Variants in HEATR5A observed in about 807,000 individuals in gnomAD.
The protein encoded by HEATR5A is HEAT repeat-containing protein 5A.
A neutral mutation model predicts 218.8 loss-of-function variants in HEATR5A; 178 were observed. The ratio of observed to expected loss-of-function variants is 0.81; its 90% CI spans 0.72 to 0.92. The LOEUF is 0.92. HEATR5A is among the 40% of genes least tolerant of loss of function. The pLI, the probability that HEATR5A is intolerant of heterozygous loss-of-function variation, is 0.00. For synonymous variants in HEATR5A, 864 were observed against 871.6 expected, an observed-to-expected ratio of 0.99 and a Z score of 0.15; for missense variants, 2,420 against 2,418.9, an observed-to-expected ratio of 1.00 and a Z score of -0.01.
intron 25 of HEATR5A, among the ~76,000 whole-genome samples, chr14:31,319,924 T>C (rs1900035506): frequency 6.6e-6 from 1 of 152,040 alleles, no homozygotes; most frequent in Admixed American, 6.6e-5. Context: ...CGTGTGGCTG[T>C]AGTTACAGCT....
chr14:31,313,126 A>G lies in HEATR5A; in HGVS notation c.4283T>C (p.Leu1428Ser), dbSNP rs1566750376. 6.2e-7 allele frequency: 1 copy of G among 1,613,910 alleles called. No homozygotes were observed. Among genetic ancestry groups the G allele is most frequent in the Non-Finnish European group, 8.5e-7 (1 of 1,179,806 alleles). Residue 1428 changes from leucine (L) to serine (S), a missense_variant, in exon 28 of 36, where the codon TTA becomes TCA. Leu to Ser is a moderately radical substitution (Grantham distance 145). Transcript: ENST00000543095. Reference protein sequence around the residue: ...HRQPLKTTTCLEDGIRNGSCS... With the variant: ...HRQPLKTTTCSEDGIRNGSCS... ...TGATCCATTTCTGATACCGTCTTCT[A>G]AACAGGTGGTAGTCTTCAAAGGTTG...
intron 33 of HEATR5A, among the ~76,000 whole-genome samples, chr14:31,297,884 A>G (rs1042945997): frequency 1.3e-5 from 2 of 152,226 alleles, no homozygotes; most frequent in Admixed American, 1.3e-4. Context: ...ACTGTTAACT[A>G]TAATGCTATA....
chr14:31,400,602 C>A (rs1399939540), intron 2 of HEATR5A, 90 bp from the exon 3 acceptor site: 1 of 836,588 alleles, frequency 1.2e-6, no homozygotes, highest in Non-Finnish European at 1.8e-6. Context: ...TATTTAAGAA[C>A]TAAAAAGGCT....
chr14:31,313,697 T>C (rs948785082), intron 27 of HEATR5A, among the ~76,000 whole-genome samples: 4 of 152,196 alleles, frequency 2.6e-5, no homozygotes, highest in African/African-American at 4.8e-5. Context: ...CAAAAAGCTC[T>C]GAAAAAACCT....
chr14:31,396,672 C>G (rs1337547609), intron 4 of HEATR5A, among the ~76,000 whole-genome samples: 1 of 152,148 alleles, frequency 6.6e-6, no homozygotes, highest in Non-Finnish European at 1.5e-5. Flanking sequence ...TGCTAACGAG[C>G]AACTTCAGAA....
intron 16 of HEATR5A, 87 bp from the exon 17 acceptor site, chr14:31,350,804 G>A (rs1901199082): frequency 1.2e-5 from 9 of 733,426 alleles, no homozygotes; most frequent in Non-Finnish European, 1.9e-5. Context: ...TTGAGACGGA[G>A]TCTCACTCTG....
At chr14:31,388,653 T>C (rs2030327242) in intron 7 of HEATR5A, among the ~76,000 whole-genome samples, 192 bp downstream of exon 7, 1 of 152,194 alleles carries the variant, frequency 6.6e-6, no homozygotes, top group South Asian at 2.1e-4. Flanking sequence ...CAAAACACAT[T>C]ATAGGTAATA....
At chr14:31,306,338 C>G (rs570605587) in intron 31 of HEATR5A, among the ~76,000 whole-genome samples, 1 of 152,204 alleles carries the variant, frequency 6.6e-6, no homozygotes, top group South Asian at 2.1e-4. Flanking sequence ...AAAAAATTAG[C>G]CAGGCATGGT....
At chr14:31,308,062 AT>A (rs1899612473) in intron 29 of HEATR5A, 42 bp from the exon 30 acceptor site, 1 of 1,536,218 alleles carries the variant, frequency 6.5e-7, no homozygotes, top group Non-Finnish European at 8.7e-7. Flanking sequence ...CTTTCAAATT[AT>A]TAGTTTATGA....
intron 5 of HEATR5A, among the ~76,000 whole-genome samples, chr14:31,394,856 T>C (rs1019331925): frequency 6.6e-6 from 1 of 152,084 alleles, no homozygotes; most frequent in Non-Finnish European, 1.5e-5. Context: ...TTACCAACTA[T>C]GTTAAGAAGC....
At chr14:31,308,774 A>G (rs1899638107) in intron 29 of HEATR5A, among the ~76,000 whole-genome samples, 160 bp downstream of exon 29, 1 of 152,010 alleles carries the variant, frequency 6.6e-6, no homozygotes, top group Admixed American at 6.6e-5. Flanking sequence ...GAGCTTAAGT[A>G]ATTTATTTAT....
intron 23 of HEATR5A, chr14:31,325,912 GT>G: frequency 2.0e-6 from 1 of 511,994 alleles, no homozygotes; most frequent in Non-Finnish European, 3.5e-6. Flanking sequence ...TTTTTAATTT[GT>G]TTTATATAGG....
At chr14:31,306,650 A>G (rs1488520393) in intron 31 of HEATR5A, 82 bp downstream of exon 31, 1 of 1,341,560 alleles carries the variant, frequency 7.5e-7, no homozygotes, top group Non-Finnish European at 1.0e-6. Flanking sequence ...AAAGATTATC[A>G]AAACTATATA....
intron 19 of HEATR5A, among the ~76,000 whole-genome samples, chr14:31,345,752 T>G (rs1371856156): frequency 6.6e-6 from 1 of 152,174 alleles, no homozygotes; most frequent in Non-Finnish European, 1.5e-5. Flanking sequence ...AGGATAGTGG[T>G]TATCCTTGGT....
At chr14:31,405,059 C>A (rs868568959) in intron 1 of HEATR5A, among the ~76,000 whole-genome samples, 487 of 97,846 alleles carry the variant, frequency 5.0e-3, no homozygotes, top group South Asian at 0.011. Flanking sequence ...CTGTCTCCAC[C>A]AAAAAAAAAA....
At chr14:31,408,543 G>A (rs1595185678) in intron 1 of HEATR5A, among the ~76,000 whole-genome samples, 3 of 151,988 alleles carry the variant, frequency 2.0e-5, no homozygotes, top group African/African-American at 7.2e-5. Context: ...ACTAAGCTAT[G>A]AGTAAGTTGA....
intron 18 of HEATR5A, 25 bp from the exon 19 acceptor site, chr14:31,347,932 A>G (rs779208055): frequency 7.2e-7 from 1 of 1,382,730 alleles, no homozygotes; most frequent in South Asian, 1.7e-5. Flanking sequence ...ATAAAAATAA[A>G]CGGTAATCAC....
At chr14:31,396,522 AG>A (rs2030659760) in intron 4 of HEATR5A, among the ~76,000 whole-genome samples, 1 of 152,222 alleles carries the variant, frequency 6.6e-6, no homozygotes, top group Non-Finnish European at 1.5e-5. Context: ...TCTATATCCC[AG>A]GAAGTTGGGC....
In HEATR5A at chr14:31,351,332, G is replaced by T. The variant is rs77250204; in HGVS notation, c.2412-615C>A. ...CACAGTGAGACCTCTGATGCTACAA[G>T]AAATCAAAAAGTTAGCTAGGCATAG... On this transcript the variant is annotated intron_variant, in intron 16 of 35. Coordinates refer to ENST00000543095, the MANE Select transcript of HEATR5A (RefSeq NM_015473.4). 9.9e-3 allele frequency among the ~76,000 whole-genome samples: 1,504 copies of T among 151,946 alleles called. 19 individuals carry two copies. Among genetic ancestry groups the T allele is most frequent in the African/African-American group, 0.034 (1,428 of 41,448 alleles).
Sources: allele counts gnomAD v4.1 joint callset (sites outside exome capture counted in the v4.1 genomes callset), GRCh38; gene constraint gnomAD v4.1.1; transcripts MANE v1.5; gene names NCBI Gene and HGNC (gene_info 2026-07-23, HGNC 2026-07-21).